The following STAB2 variants were observed in gnomAD, a reference collection of about 807,000 sequenced individuals.
STAB2 encodes stabilin-2.
A neutral mutation model predicts 338.1 loss-of-function variants in STAB2; 288 were observed. That is an observed-to-expected ratio of 0.85 (90% CI 0.77 to 0.94). The LOEUF (loss-of-function observed/expected upper bound fraction) is 0.94. Among genes scored for constraint, STAB2 ranks in the 40% least tolerant of loss-of-function variants. STAB2 has a pLI of 0.00. For missense variants in STAB2, 3,141 were observed against 3,210.1 expected (o/e 0.98, Z 0.52); for synonymous variants, 1,202 against 1,193.3 (o/e 1.01, Z -0.15).
chr12:103,590,821 G>A (rs554439438), intron 1 of STAB2, 76 bp from the exon 2 acceptor site: 14 of 1,562,974 alleles, frequency 9.0e-6, no homozygotes, highest in Non-Finnish European at 1.2e-5. Context: ...TTCCAGTGGA[G>A]AAGATTGGCC....
chr12:103,675,784 C>A, intron 23 of STAB2, 144 bp from the exon 24 acceptor site: 1 of 592,442 alleles, frequency 1.7e-6, no homozygotes, highest in Non-Finnish European at 2.9e-6. Flanking sequence ...AGAAGTACCC[C>A]GACCACATTT....
At chr12:103,641,779 G>A (rs968990541) in intron 9 of STAB2, among the ~76,000 whole-genome samples, 5 of 152,246 alleles carry the variant, frequency 3.3e-5, no homozygotes, top group Admixed American at 1.3e-4. Context: ...ACCTAACATT[G>A]TGATGTTAGG....
chr12:103,736,186 G>A (rs753972580), intron 52 of STAB2, among the ~76,000 whole-genome samples: 31 of 152,196 alleles, frequency 2.0e-4, no homozygotes, highest in Non-Finnish European at 4.1e-4. Flanking sequence ...GAAATCTTTA[G>A]TATGATGGCT....
intron 65 of STAB2, 101 bp downstream of exon 65, chr12:103,759,374 T>C (rs1884376732): frequency 3.4e-6 from 5 of 1,475,776 alleles, no homozygotes; most frequent in South Asian, 1.3e-5. Flanking sequence ...TATGCAAACA[T>C]AAACTCTAAA....
intron 3 of STAB2, among the ~76,000 whole-genome samples, chr12:103,605,354 A>C (rs190638323): frequency 3.3e-4 from 50 of 152,100 alleles, no homozygotes; most frequent in African/African-American, 1.2e-3. Context: ...TGTCTTTGCA[A>C]CTGTTTCATG....
intron 27 of STAB2, among the ~76,000 whole-genome samples, chr12:103,685,459 T>TGCGTGTGTGTGTGCGTGCGC (rs1877333731): frequency 7.4e-6 from 1 of 135,664 alleles, no homozygotes; most frequent in Admixed American, 7.7e-5. Context: ...TGTGTGCGCG[T>TGCGTGTGTGTGTGCGTGCGC]GCGTGTGTGT....
At chr12:103,639,830 T>C (rs1872777672) in intron 8 of STAB2, among the ~76,000 whole-genome samples, 1 of 152,042 alleles carries the variant, frequency 6.6e-6, no homozygotes, top group Admixed American at 6.6e-5. Flanking sequence ...CAATTTCTGC[T>C]CACCTATAGA....
chr12:103,598,895 C>A (rs960716003), intron 3 of STAB2, among the ~76,000 whole-genome samples: 3 of 152,132 alleles, frequency 2.0e-5, no homozygotes, highest in African/African-American at 7.2e-5. Context: ...CCAAGGAGCT[C>A]ACAGACTAAT....
chr12:103,595,855 A>G (rs1956867162), intron 3 of STAB2, among the ~76,000 whole-genome samples: 1 of 152,200 alleles, frequency 6.6e-6, no homozygotes. Context: ...AAACCTGTTC[A>G]AAAAGCAGGG....
Position 103,677,480 on chromosome 12 carries a change from A to C in STAB2, c.2674A>C (p.Thr892Pro). The part of the protein sequence containing the change: ...NAECIKTGTG[T>P]HTCVCQQGWT... ...AGAATGCATCAAAACTGGCACGGGC[A>C]CCCACACCTGCGTGTGTCAGCAGGG... The change falls in exon 25 of 69, where the codon ACC becomes CCC. Residue 892 changes from threonine to proline, a missense_variant. By Grantham distance (38) the Thr-to-Pro change is conservative. Coordinates refer to ENST00000388887, the MANE Select transcript of STAB2 (RefSeq NM_017564.10). 6.2e-7 allele frequency: 1 copy of C among 1,613,138 alleles called. No individual in the cohort carries two copies. The highest frequency in any genetic ancestry group is 8.5e-7 in the Non-Finnish European group (1 of 1,179,192).
In STAB2 at chr12:103,670,729, A is replaced by G. The variant is rs1200858251; in HGVS notation, c.2293A>G (p.Ile765Val). The change falls in exon 22 of 69, where the codon ATT becomes GTT. Residue 765 changes from isoleucine to valine, a missense_variant. By Grantham distance (29) the Ile-to-Val change is conservative (BLOSUM62 3). Coordinates refer to ENST00000388887, the MANE Select transcript of STAB2 (RefSeq NM_017564.10). ...TAGCCTCGGCGGCAACGGGACATGC[A>G]TTTGTGAGGAGGGCTTCCAAGGCTC... ...ADSLGGNGTC[I>V]CEEGFQGSQC... 6.2e-7 allele frequency: 1 copy of G among 1,614,016 alleles called. No homozygotes were observed. Among genetic ancestry groups the G allele is most frequent in the African/African-American group, 1.3e-5 (1 of 74,940 alleles).
At chr12:103,752,190 T>C (rs144737012) in intron 60 of STAB2, among the ~76,000 whole-genome samples, 2 of 152,266 alleles carry the variant, frequency 1.3e-5, no homozygotes, top group East Asian at 3.9e-4. Context: ...AGAAATAACA[T>C]ATATATCTAA....
rs758326434 is a variant in STAB2, at chr12:103,695,773, G to A, written c.3511G>A (p.Ala1171Thr). The A allele has an allele frequency of 1.2e-6, 2 of 1,613,830 alleles. No individual in the cohort carries two copies. The highest frequency in any genetic ancestry group is 1.7e-6 in the Non-Finnish European group (2 of 1,179,924). Residue 1171 changes from alanine (A) to threonine (T), a missense_variant, in exon 33 of 69, where the codon GCC becomes ACC. By Grantham distance (58) the Ala-to-Thr change is moderately conservative. Transcript: ENST00000388887. ...GGCGAATGCAATTGAGGCTGCCGAT[G>A]CCTACACAGTGTTTGCTCCAAACAA... is the stretch of plus-strand genomic sequence containing the variant. Reference protein sequence around the residue: ...NLANAIEAADAYTVFAPNNNA... With the variant: ...NLANAIEAADTYTVFAPNNNA...
chr12:103,727,259 T>C lies in STAB2; in HGVS notation c.4852-8T>C. 6.2e-7 allele frequency: 1 copy of C among 1,614,204 alleles called. No individual in the cohort carries two copies. Among genetic ancestry groups the C allele is most frequent in the Non-Finnish European group, 8.5e-7 (1 of 1,180,004 alleles). On this transcript the variant is annotated splice_region_variant and splice_polypyrimidine_tract_variant and intron_variant, in intron 46 of 68. Coordinates refer to ENST00000388887, the MANE Select transcript of STAB2 (RefSeq NM_017564.10). ...AGTGATGTGTGAGCCTCACCTTTCT[T>C]CCCACAGGAGCATTTCGTGAAAGAT...
chr12:103,688,019 G>C, intron 27 of STAB2, 149 bp from the exon 28 acceptor site: 2 of 705,324 alleles, frequency 2.8e-6, no homozygotes, highest in East Asian at 2.5e-5. Context: ...ATTCACATCA[G>C]CATCAGGGAG....
intron 6 of STAB2, among the ~76,000 whole-genome samples, chr12:103,633,822 T>C (rs1417665134): frequency 3.3e-5 from 5 of 152,222 alleles, no homozygotes; most frequent in Non-Finnish European, 7.3e-5. Context: ...TTGCCCACTA[T>C]GTTACAAATT....
chr12:103,742,008 A>G (rs949442637), intron 55 of STAB2, among the ~76,000 whole-genome samples: 2 of 152,228 alleles, frequency 1.3e-5, no homozygotes, highest in Non-Finnish European at 2.9e-5. Context: ...TATTTTCAAA[A>G]TGTTCTCAGT....
rs1202267454 is a variant in STAB2 at position 103,753,335 on chromosome 12, G to A, written c.6696G>A (p.Gln2232=). The change falls in exon 61 of 69, where the codon CAG becomes CAA. Residue 2232 remains glutamine (Q), a synonymous_variant. Coordinates refer to ENST00000388887, the MANE Select transcript of STAB2 (RefSeq NM_017564.10). The part of the protein sequence containing the change: ...NEAATMATYN[Q]LSYAQKAKYH... ...CTGCGACCATGGCAACCTACAACCA[G>A]CTCTCCTATGCCCAGAAGGTGGGTC... 1.2e-6 allele frequency: 2 copies of A among 1,614,242 alleles called. No homozygotes were observed. Among genetic ancestry groups the A allele is most frequent in the African/African-American group, 2.7e-5 (2 of 75,058 alleles).
At chr12:103,731,094 C>T (rs115352759) in intron 49 of STAB2, among the ~76,000 whole-genome samples, 4,345 of 152,110 alleles carry the variant, frequency 0.029, 84 homozygotes, top group African/African-American at 0.043. Context: ...AACACACACA[C>T]GAAGGGTGAA....
Sources: gnomAD v4.1 joint callset for allele counts (sites outside exome capture counted in the v4.1 genomes callset) on GRCh38, gnomAD v4.1.1 for gene constraint, MANE v1.5 for transcripts, NCBI Gene and HGNC (gene_info 2026-07-23, HGNC 2026-07-21) for gene names.